MGST1: variants seen among roughly 807,000 people sequenced by gnomAD.
MGST1 encodes glutathione S-transferase 12.
MGST1 carries 5 observed loss-of-function variants against 8.9 expected under a neutral mutation model. The observed-to-expected ratio is 0.56, with a 90% CI of 0.29 to 1.19. MGST1 has a LOEUF of 1.19. Ranked by LOEUF, MGST1 falls within the 50% of genes most tolerant of loss-of-function variation. MGST1 has a pLI of 0.08. For missense variants in MGST1, 182 were observed against 187.4 expected, an observed-to-expected ratio of 0.97 and a Z score of 0.17; for synonymous variants, 54 against 67.8, an observed-to-expected ratio of 0.80 and a Z score of 1.00.
intron 1 of MGST1, among the ~76,000 whole-genome samples, chr12:16,407,033 T>C (rs1453915811): frequency 6.6e-6 from 1 of 152,176 alleles, no homozygotes; most frequent in Non-Finnish European, 1.5e-5. Context: ...CCAAAAGCAA[T>C]TGCAACAATA....
At position 16,401,123 on chromosome 12, in the gene MGST1, T is replaced by C; in HGVS notation, n.778+17519T>C. 1 of 1,576,324 alleles carries C rather than the reference T, an allele frequency of 6.3e-7. No homozygotes were observed. Among genetic ancestry groups the C allele is most frequent in the South Asian group, 1.1e-5 (1 of 90,290 alleles). ...TCCTCCTCCTTTTCCTCATCTTCGT[T>C]CCTTAGGAAAATACCCACATTCTTC... is the stretch of plus-strand genomic sequence containing the variant. On this transcript the variant is annotated intron_variant and non_coding_transcript_variant, in intron 1 of 1. Transcript: ENST00000359720. This position sits in a 1 kb window ranked among gnomAD's most constrained non-coding sequence, Gnocchi z 4.3.
chr12:16,578,801 G>C (rs1176836542), intron 4 of MGST1, among the ~76,000 whole-genome samples: 1 of 150,620 alleles, frequency 6.6e-6, no homozygotes, highest in African/African-American at 2.4e-5. Context: ...CTGGGAGACA[G>C]AGCGAGATTC....
At chr12:16,381,545 C>T (rs552376277), downstream of MGST1, among the ~76,000 whole-genome samples, 2 of 152,198 alleles carry the variant, frequency 1.3e-5, no homozygotes, top group African/African-American at 4.8e-5. Flanking sequence ...GTGGGTAACC[C>T]GACCTTTCTC....
intron 3 of MGST1, among the ~76,000 whole-genome samples, chr12:16,375,828 GA>G (rs1479361496): frequency 6.6e-6 from 1 of 151,838 alleles, no homozygotes; most frequent in Admixed American, 6.6e-5. Context: ...GGCAATGTGA[GA>G]TGAACCTGGA....
At chr12:16,542,290 A>C (rs1941797458) in intron 4 of MGST1, among the ~76,000 whole-genome samples, 1 of 152,344 alleles carries the variant, frequency 6.6e-6, no homozygotes, top group South Asian at 2.1e-4. Flanking sequence ...GTTAGTAAGA[A>C]TAAAAGAAAG....
chr12:16,373,790 A>C lies in MGST1; in HGVS notation c.222-2332A>C, dbSNP rs151315349. Among the ~76,000 whole-genome samples, 1,345 of 152,190 alleles carry C rather than the reference A, an allele frequency of 8.8e-3. 8 individuals carry two copies. Among genetic ancestry groups the C allele is most frequent in the Middle Eastern group, 0.017 (5 of 294 alleles). On this transcript the variant is annotated intron_variant, in intron 3 of 3. Coordinates refer to the MGST1 transcript ENST00000535309. The stretch of plus-strand genomic sequence containing the variant: ...GCCCCAAATTATCCATTTTTGTTTC[A>C]AATTATTACAATTATTACATTCTAT...
chr12:16,578,464 C>G (rs1943060931), intron 4 of MGST1, among the ~76,000 whole-genome samples: 1 of 152,110 alleles, frequency 6.6e-6, no homozygotes, highest in Non-Finnish European at 1.5e-5. Context: ...AGTAGATGGT[C>G]TCAGGCTGGC....
downstream of MGST1, among the ~76,000 whole-genome samples, chr12:16,382,081 G>A (rs552312867): frequency 6.6e-5 from 10 of 151,950 alleles, no homozygotes; most frequent in South Asian, 2.1e-4. Context: ...CCATTGGTTC[G>A]AATTTCCTCC....
At chr12:16,514,887 A>G (rs1941601908) in intron 4 of MGST1, among the ~76,000 whole-genome samples, 1 of 152,224 alleles carries the variant, frequency 6.6e-6, no homozygotes, top group Middle Eastern at 3.2e-3. Flanking sequence ...GTGGCTCTAA[A>G]CAAAACTCTA....
At chr12:16,466,616 A>G (rs964034270) in intron 4 of MGST1, among the ~76,000 whole-genome samples, 1 of 152,216 alleles carries the variant, frequency 6.6e-6, no homozygotes, top group Non-Finnish European at 1.5e-5. Context: ...GGTCTTGGAT[A>G]GGTAAGGTAA....
At chr12:16,436,649 G>A (rs981170480) in intron 1 of MGST1, among the ~76,000 whole-genome samples, 1 of 151,894 alleles carries the variant, frequency 6.6e-6, no homozygotes, top group Non-Finnish European at 1.5e-5. Context: ...ACATTTATGA[G>A]TTGCTGTTTT....
At chr12:16,448,741 A>T (rs1320662646) in intron 4 of MGST1, among the ~76,000 whole-genome samples, 1 of 151,970 alleles carries the variant, frequency 6.6e-6, no homozygotes, top group Non-Finnish European at 1.5e-5. Flanking sequence ...TTTGTGAAGC[A>T]GAGGATTTTG....
rs1430445626 is a variant in MGST1, at chr12:16,560,155, A to G, written n.483-29373A>G. Reference sequence around the variant, plus strand: ...AAAATAATAAAAGAAGGAATGAGTAAAAGAAGTCAGAGTTTACGGTAGTGT... The same window carrying G: ...AAAATAATAAAAGAAGGAATGAGTAGAAGAAGTCAGAGTTTACGGTAGTGT... On this transcript the variant is annotated intron_variant and non_coding_transcript_variant, in intron 4 of 4. Coordinates refer to the MGST1 transcript ENST00000538857. The surrounding 1 kb of genome is among the most constrained non-coding windows in gnomAD (Gnocchi z 5.0). Among the ~76,000 whole-genome samples, 1 of 152,202 alleles carries G rather than the reference A, an allele frequency of 6.6e-6. No individual in the cohort carries two copies. Among genetic ancestry groups the G allele is most frequent in the Admixed American group, 6.5e-5 (1 of 15,290 alleles).
Position 16,492,399 on chromosome 12 carries a change from C to T in MGST1, n.483-97129C>T, listed in dbSNP as rs190700049. 1.7e-3 allele frequency among the ~76,000 whole-genome samples: 254 copies of T among 152,228 alleles called. 1 individual carries two copies. The highest frequency in any genetic ancestry group is 5.9e-3 in the African/African-American group (246 of 41,546). ...CCCAATGTGGCAGCTTGTAGCTATA[C>T]ATTAGCGCGGTTTGTGTTACAGCCA... On this transcript the variant is annotated intron_variant and non_coding_transcript_variant, in intron 4 of 4. Transcript: ENST00000538857.
At chr12:16,504,926 C>T (rs1941527726) in intron 4 of MGST1, among the ~76,000 whole-genome samples, 1 of 152,182 alleles carries the variant, frequency 6.6e-6, no homozygotes, top group Non-Finnish European at 1.5e-5. Flanking sequence ...CCCACCGAGG[C>T]TGGCTTCCAT....
chr12:16,363,512 A>G lies in MGST1; in HGVS notation c.222-283A>G, dbSNP rs1433270397. The G allele has an allele frequency of 4.5e-5, 9 of 199,508 alleles. No individual in the cohort carries two copies. The highest frequency in any genetic ancestry group is 2.0e-5 in the Non-Finnish European group (2 of 100,222). The allele number at this position is 199,508 out of a possible 1,614,324, so 12.4% of individuals were successfully genotyped here. A position where few individuals can be genotyped will look rare whatever the true frequency, so the allele number is the denominator to read the frequency against. ...TATTTTTATTTACAAAAATGAAATG[A>G]GTTCTATTAGATAGATGTCGTTTTG... On this transcript the variant is annotated intron_variant, in intron 3 of 3. Transcript: ENST00000396210. The surrounding 1 kb of genome is among the most constrained non-coding windows in gnomAD (Gnocchi z 4.6).
intron 4 of MGST1, chr12:16,551,137 C>G (rs1017780115): frequency 1.4e-5 from 12 of 867,886 alleles, no homozygotes; most frequent in Non-Finnish European, 2.0e-5. Flanking sequence ...TCAGTAGGTT[C>G]CTGTGTCAAT....
intron 4 of MGST1, among the ~76,000 whole-genome samples, chr12:16,577,969 C>T (rs996737500): frequency 9.2e-5 from 14 of 152,100 alleles, no homozygotes; most frequent in Non-Finnish European, 2.1e-4. Context: ...ACCTGGGTAT[C>T]CTGTATTTTG....
chr12:16,565,371 C>T (rs1183279404), intron 4 of MGST1, among the ~76,000 whole-genome samples: 13 of 152,178 alleles, frequency 8.5e-5, no homozygotes, highest in Admixed American at 8.5e-4. Flanking sequence ...TTTACTTTTT[C>T]AACTAAGGAA....
Sources: gnomAD v4.1 joint callset for allele counts (sites outside exome capture counted in the v4.1 genomes callset) on GRCh38, gnomAD v4.1.1 for gene constraint, Gnocchi (gnomAD v3.1) non-coding constraint, MANE v1.5 for transcripts, NCBI Gene and HGNC (gene_info 2026-07-23, HGNC 2026-07-21) for gene names.